Variants in SHISA9 observed in about 807,000 individuals in gnomAD.
The protein encoded by SHISA9 is shisa family member 9.
Under a neutral mutation model 38.0 loss-of-function variants are expected in SHISA9, and 13 were observed. That is an observed-to-expected ratio of 0.34 (90% confidence interval 0.22 to 0.54). The LOEUF (loss-of-function observed/expected upper bound fraction) is 0.54. SHISA9 is among the 20% of genes least tolerant of loss of function. SHISA9 has a pLI of 0.91. For synonymous variants in SHISA9, 275 were observed against 242.0 expected (o/e 1.14, Z -1.27); for missense variants, 538 against 575.8 (o/e 0.93, Z 0.67).
rs964178433 is a variant in SHISA9 at position 12,936,818 on chromosome 16, G to A, written c.691+20003G>A. On this transcript the variant is annotated intron_variant, in intron 2 of 4. Transcript: ENST00000558583. ...CTGTTATTTTGTAAAACCCCTACTC[G>A]GTGCCTATGAATGATGCCATATGGC... 1.6e-4 allele frequency among the ~76,000 whole-genome samples: 24 copies of A among 152,006 alleles called. 1 individual carries two copies. The highest frequency in any genetic ancestry group is 4.3e-4 in the African/African-American group (18 of 41,384).
the SHISA9 span, among the ~76,000 whole-genome samples, chr16:13,414,693 G>A: frequency 6.8e-6 from 1 of 148,078 alleles, no homozygotes; most frequent in African/African-American, 2.5e-5. Context: ...TGCCCAGGCT[G>A]GAGTGCAGTG....
At position 13,213,612 on chromosome 16, in the gene SHISA9, T is replaced by C. The variant is rs534368449; in HGVS notation, c.895+312T>C. On this transcript the variant is annotated intron_variant, in intron 4 of 4. Coordinates refer to ENST00000558583, the MANE Select transcript of SHISA9 (RefSeq NM_001145204.3). ...GTTGATTTTTCTCAGAAAGCTGCAA[T>C]GGCAAATGGCAAAACACAAGGTTAA... Among the ~76,000 whole-genome samples the C allele has an allele frequency of 1.3e-3, 197 of 151,056 alleles. 1 individual carries two copies. The highest frequency in any genetic ancestry group is 4.7e-3 in the African/African-American group (191 of 40,976).
chr16:13,235,097 C>T lies in SHISA9; in HGVS notation c.963C>T (p.Asn321=), dbSNP rs1450907493. The change falls in exon 5 of 5, where the codon AAC becomes AAT. Residue 321 remains asparagine (N), a synonymous_variant. Coordinates refer to ENST00000558583, the MANE Select transcript of SHISA9 (RefSeq NM_001145204.3). ...RHLAELAAKG[N]LPLHPVRVED... is the part of the protein sequence containing the mutation. Reference sequence around the variant, plus strand: ...TGGCTGAGCTGGCTGCCAAGGGGAACTTACCTCTGCACCCCGTAAGAGTGG... The same window carrying T: ...TGGCTGAGCTGGCTGCCAAGGGGAATTTACCTCTGCACCCCGTAAGAGTGG... 1.3e-6 allele frequency: 2 copies of T among 1,551,524 alleles called. No individual in the cohort carries two copies. The highest frequency in any genetic ancestry group is 8.7e-7 in the Non-Finnish European group (1 of 1,146,992).
At chr16:13,130,347 C>T (rs1174234905) in intron 2 of SHISA9, among the ~76,000 whole-genome samples, 1 of 152,184 alleles carries the variant, frequency 6.6e-6, no homozygotes, top group Admixed American at 6.5e-5. Flanking sequence ...CCCAAAATCA[C>T]AACAGTAATA....
At chr16:13,015,951 TTTCCCTTCCCTTCCCTTCCC>T (rs1567182503) in intron 2 of SHISA9, among the ~76,000 whole-genome samples, 3 of 6,342 alleles carry the variant, frequency 4.7e-4, no homozygotes, top group Non-Finnish European at 1.1e-3. Context: ...CCTTCTCTCT[TTTCCCTTCCCTTCCCTTCCC>T]TTCCCTTCCC....
At chr16:13,289,657 A>T in the SHISA9 span, among the ~76,000 whole-genome samples, 5 of 152,058 alleles carry the variant, frequency 3.3e-5, no homozygotes, top group African/African-American at 1.2e-4. Flanking sequence ...AGTCAGAGCA[A>T]GAGCTAGAGA....
intron 2 of SHISA9, among the ~76,000 whole-genome samples, chr16:12,976,027 C>G (rs995233142): frequency 2.6e-5 from 4 of 152,052 alleles, no homozygotes; most frequent in African/African-American, 9.7e-5. Flanking sequence ...ATGTTGGAAC[C>G]AATCATGGGT....
chr16:13,280,439 G>A, the SHISA9 span, among the ~76,000 whole-genome samples: 2 of 151,556 alleles, frequency 1.3e-5, no homozygotes, highest in African/African-American at 4.8e-5. Context: ...GAATATTATG[G>A]ATTTCCCTCT....
chr16:13,562,310 A>C, the SHISA9 span, among the ~76,000 whole-genome samples: 1 of 152,076 alleles, frequency 6.6e-6, no homozygotes, highest in Non-Finnish European at 1.5e-5. Flanking sequence ...GTAAATGAAA[A>C]TGCAGTGTAA....
chr16:13,110,472 G>T (rs568753357), intron 2 of SHISA9, among the ~76,000 whole-genome samples: 3 of 152,346 alleles, frequency 2.0e-5, no homozygotes, highest in Admixed American at 6.5e-5. Context: ...GGTATGAAAA[G>T]AATGTGATGT....
chr16:13,127,543 G>A (rs1472983238), intron 2 of SHISA9, among the ~76,000 whole-genome samples: 6 of 151,806 alleles, frequency 4.0e-5, no homozygotes, highest in Admixed American at 6.6e-5. Context: ...AAAGAGAAGC[G>A]GAACTTGGAA....
At chr16:13,299,230 C>G in the SHISA9 span, among the ~76,000 whole-genome samples, 3 of 152,302 alleles carry the variant, frequency 2.0e-5, no homozygotes, top group East Asian at 5.8e-4. Flanking sequence ...GCCAAACACT[C>G]ATTAGCGCTT....
At chr16:13,096,715 A>C (rs1455652196) in intron 2 of SHISA9, among the ~76,000 whole-genome samples, 1 of 152,180 alleles carries the variant, frequency 6.6e-6, no homozygotes, top group Non-Finnish European at 1.5e-5. Flanking sequence ...TTGAACCTTT[A>C]TTAGATGTAG....
At chr16:13,193,101 C>T (rs755662901) in intron 2 of SHISA9, among the ~76,000 whole-genome samples, 2 of 152,148 alleles carry the variant, frequency 1.3e-5, no homozygotes, top group Non-Finnish European at 2.9e-5. Flanking sequence ...TGGTTCAATG[C>T]GTGGTTCAAT....
At chr16:13,035,371 C>T (rs1596601192) in intron 2 of SHISA9, among the ~76,000 whole-genome samples, 1 of 152,176 alleles carries the variant, frequency 6.6e-6, no homozygotes, top group Admixed American at 6.5e-5. Flanking sequence ...AGGTCTTTTT[C>T]ACTCTATCAA....
At chr16:13,319,593 G>T in the SHISA9 span, among the ~76,000 whole-genome samples, 1 of 152,158 alleles carries the variant, frequency 6.6e-6, no homozygotes, top group African/African-American at 2.4e-5. Flanking sequence ...CCTCCCTTTT[G>T]TTGCTCCCTC....
chr16:12,974,522 G>C (rs995122400), intron 2 of SHISA9, among the ~76,000 whole-genome samples: 3 of 110,586 alleles, frequency 2.7e-5, no homozygotes, highest in African/African-American at 1.1e-4. Flanking sequence ...GTTTCGCTCT[G>C]TCGCCCAGGC....
the SHISA9 span, among the ~76,000 whole-genome samples, chr16:13,539,367 G>A: frequency 8.6e-6 from 1 of 115,642 alleles, no homozygotes; most frequent in African/African-American, 3.1e-5. Context: ...ATAAAGACAG[G>A]ATCTCACTGT....
At chr16:13,309,013 A>C in the SHISA9 span, among the ~76,000 whole-genome samples, 1 of 152,242 alleles carries the variant, frequency 6.6e-6, no homozygotes, top group Non-Finnish European at 1.5e-5. Flanking sequence ...AACAAGGTCT[A>C]TACCATATTC....
Sources: gnomAD v4.1 joint callset for allele counts (sites outside exome capture counted in the v4.1 genomes callset) on GRCh38, gnomAD v4.1.1 for gene constraint, MANE v1.5 for transcripts, NCBI Gene and HGNC (gene_info 2026-07-23, HGNC 2026-07-21) for gene names.